The following DSTN variants were observed in gnomAD, a reference collection of about 807,000 sequenced individuals.
DSTN encodes destrin, actin depolymerizing factor.
DSTN carries 10 observed loss-of-function variants against 16.8 expected under a neutral mutation model. The observed-to-expected ratio is 0.60, with a 90% CI of 0.37 to 1.01. DSTN has a LOEUF of 1.01. DSTN is among the 50% of genes least tolerant of loss of function. DSTN has a pLI of 0.01. For synonymous variants in DSTN, 57 were observed against 58.9 expected (o/e 0.97, Z 0.14); for missense variants, 141 against 196.7 (o/e 0.72, Z 1.69).
At chr20:17,592,035 C>T in intron 1 of DSTN, 2 of 985,410 alleles carry the variant, frequency 2.0e-6, no homozygotes, top group South Asian at 4.7e-5. Context: ...AAGGTCAGAG[C>T]CCTGGGCAGT....
chr20:17,582,965 A>G (rs2035362566), intron 1 of DSTN, among the ~76,000 whole-genome samples: 1 of 152,256 alleles, frequency 6.6e-6, no homozygotes, highest in Non-Finnish European at 1.5e-5. Context: ...CATATACCTG[A>G]CAAGGAGCTT....
chr20:17,579,294 G>A lies in DSTN; in HGVS notation c.3+9083G>A, dbSNP rs1361053086. Among the ~76,000 whole-genome samples, 3 of 152,210 alleles carry A rather than the reference G, an allele frequency of 2.0e-5. No homozygotes were observed. In the South Asian group the frequency reaches 6.2e-4, roughly 31 times the overall value. ...TAACTAGTTTAAAGCAGTGGCACAG[G>A]CCAGGTGTGGAGGCTCATGCCTGTA... On this transcript the variant is annotated intron_variant, in intron 1 of 3. Transcript: ENST00000246069.
At chr20:17,594,925 AT>A (rs1347984581) in intron 1 of DSTN, among the ~76,000 whole-genome samples, 1 of 152,154 alleles carries the variant, frequency 6.6e-6, no homozygotes, top group African/African-American at 2.4e-5. Flanking sequence ...CTTGTTTTTT[AT>A]TTTAGACATG....
rs1040624500 is a variant in DSTN, at chr20:17,570,169, C to T, written c.-40C>T. The T allele has an allele frequency of 5.3e-6, 8 of 1,518,142 alleles. No homozygotes were observed. The highest frequency in any genetic ancestry group is 1.4e-5 in the African/African-American group (1 of 69,552). 94.0% of individuals were successfully genotyped at this position (1,518,142 alleles called of 1,614,324 possible). On this transcript the variant is annotated 5_prime_UTR_variant, in exon 1 of 4. Coordinates refer to ENST00000246069, the MANE Select transcript of DSTN (RefSeq NM_006870.4). ...GACGGTCTGCATACTCGCTGCCCGC[C>T]GGCTCCCTCCCCCGCGTCCCTGCGA...
intron 1 of DSTN, among the ~76,000 whole-genome samples, chr20:17,597,351 T>G (rs922726324): frequency 2.0e-5 from 3 of 152,190 alleles, no homozygotes; most frequent in Non-Finnish European, 2.9e-5. Flanking sequence ...TTAGAGATCT[T>G]TAATGAATGA....
chr20:17,578,540 T>C (rs1169962261), intron 1 of DSTN, among the ~76,000 whole-genome samples: 1 of 152,240 alleles, frequency 6.6e-6, no homozygotes, highest in Non-Finnish European at 1.5e-5. Context: ...TTAAAGTGAT[T>C]GTGGCATATT....
chr20:17,596,875 T>C (rs1600709968), intron 1 of DSTN: 1 of 878,076 alleles, frequency 1.1e-6, no homozygotes, highest in African/African-American at 1.8e-5. Flanking sequence ...TACTAGTACA[T>C]CATTGATTTA....
intron 1 of DSTN, among the ~76,000 whole-genome samples, chr20:17,580,643 G>A (rs1030546648): frequency 2.0e-5 from 3 of 152,120 alleles, no homozygotes; most frequent in African/African-American, 7.2e-5. Flanking sequence ...GCTACTCTGG[G>A]AGGCTGAGGC....
At position 17,600,719 on chromosome 20, in the gene DSTN, AT is replaced by A. The variant is rs2035577352; in HGVS notation, c.4-18del. The A allele has an allele frequency of 2.6e-6, 4 of 1,546,796 alleles. No individual in the cohort carries two copies. In the South Asian group the frequency reaches 5.0e-5, roughly 19 times the overall value. ...AATAAAAATTGTAAGTCTTTTTCTCATGTATTTTCTCATCATAGGCCTCAGG... is the reference window on the plus strand; with the variant it reads ...AATAAAAATTGTAAGTCTTTTTCTCAGTATTTTCTCATCATAGGCCTCAGG... On this transcript the variant is annotated intron_variant, in intron 1 of 3. Coordinates refer to ENST00000246069, the MANE Select transcript of DSTN (RefSeq NM_006870.4).
chr20:17,582,745 A>C (rs1211609601), intron 1 of DSTN, among the ~76,000 whole-genome samples: 1 of 152,226 alleles, frequency 6.6e-6, no homozygotes, highest in Non-Finnish European at 1.5e-5. Flanking sequence ...AAAGCTATGA[A>C]CTTCTAGAAC....
chr20:17,599,011 G>GT (rs2035557278), intron 1 of DSTN, among the ~76,000 whole-genome samples: 1 of 152,178 alleles, frequency 6.6e-6, no homozygotes, highest in African/African-American at 2.4e-5. Flanking sequence ...ACAAAACCTT[G>GT]TACACGAGTG....
chr20:17,582,242 C>A (rs1818594221), intron 1 of DSTN, among the ~76,000 whole-genome samples: 3 of 151,952 alleles, frequency 2.0e-5, no homozygotes, highest in African/African-American at 7.3e-5. Context: ...CCACGCCTCG[C>A]TAATTTTTTA....
intron 1 of DSTN, among the ~76,000 whole-genome samples, chr20:17,595,540 A>AC (rs1488220720): frequency 1.3e-5 from 2 of 151,768 alleles, no homozygotes; most frequent in Non-Finnish European, 2.9e-5. Context: ...AATTGCTTGA[A>AC]CCCAGGAGGC....
At chr20:17,579,952 G>A (rs16999434) in intron 1 of DSTN, among the ~76,000 whole-genome samples, 2,444 of 152,216 alleles carry the variant, frequency 0.016, 60 homozygotes, top group African/African-American at 0.056. Context: ...TACCCAACTG[G>A]ATATATCTTT....
chr20:17,570,353 G>GGT (rs2035184220), intron 1 of DSTN, 142 bp downstream of exon 1: 3 of 1,185,434 alleles, frequency 2.5e-6, no homozygotes. Context: ...CCGGGCTGCG[G>GGT]GTGAGGGGGG....
At chr20:17,577,357 A>T (rs2035290396) in intron 1 of DSTN, among the ~76,000 whole-genome samples, 1 of 152,150 alleles carries the variant, frequency 6.6e-6, no homozygotes, top group South Asian at 2.1e-4. Context: ...TTCTCAAATC[A>T]TTGTAAGAAT....
intron 1 of DSTN, among the ~76,000 whole-genome samples, chr20:17,578,515 A>G (rs983300320): frequency 3.3e-5 from 5 of 152,230 alleles, no homozygotes; most frequent in African/African-American, 1.2e-4. Context: ...TAAGGCAGTT[A>G]TTAGAGTAAT....
chr20:17,607,441 A>G lies in DSTN; in HGVS notation c.*295A>G. 2 of 274,230 alleles carry G rather than the reference A, an allele frequency of 7.3e-6. No homozygotes were observed. The highest frequency in any genetic ancestry group is 6.7e-5 in the East Asian group (1 of 14,866). 17.0% of individuals were successfully genotyped at this position (274,230 alleles called of 1,614,324 possible). A position where few individuals can be genotyped will look rare whatever the true frequency, so the allele number is the denominator to read the frequency against. ...ACACAGTTCACAAACAGTAAAGGCC[A>G]TGTGAAGAGAATTATTACATCTTTA... On this transcript the variant is annotated 3_prime_UTR_variant, in exon 4 of 4. Coordinates refer to ENST00000246069, the MANE Select transcript of DSTN (RefSeq NM_006870.4).
intron 1 of DSTN, among the ~76,000 whole-genome samples, chr20:17,593,426 G>A (rs2035492610): frequency 6.6e-6 from 1 of 151,984 alleles, no homozygotes; most frequent in African/African-American, 2.4e-5. Flanking sequence ...TTTATCTTAA[G>A]GAACTTACAG....
Sources: gnomAD v4.1 joint callset for allele counts (sites outside exome capture counted in the v4.1 genomes callset) on GRCh38, gnomAD v4.1.1 for gene constraint, MANE v1.5 for transcripts, NCBI Gene and HGNC (gene_info 2026-07-23, HGNC 2026-07-21) for gene names.